The following DENND1A variants were observed in gnomAD, a reference collection of about 807,000 sequenced individuals.
DENND1A encodes DENN domain-containing protein 1A.
DENND1A carries 51 observed loss-of-function variants against 113.7 expected under a neutral mutation model. The ratio of observed to expected loss-of-function variants is 0.45; its 90% CI spans 0.36 to 0.57. The LOEUF (loss-of-function observed/expected upper bound fraction) is 0.57, where lower values mean the gene tolerates loss of function less well. Ranked by LOEUF, DENND1A falls within the 20% of genes least tolerant of loss-of-function variation. The probability of loss-of-function intolerance (pLI) is 0.00; values close to 1 mark genes in which losing one functional copy is unlikely to be tolerated. For synonymous variants in DENND1A, 565 were observed against 570.8 expected, an observed-to-expected ratio of 0.99 and a Z score of 0.14; for missense variants, 1,258 against 1,395.9, an observed-to-expected ratio of 0.90 and a Z score of 1.57.
At chr9:123,884,991 G>GCA (rs1308416245) in intron 1 of DENND1A, among the ~76,000 whole-genome samples, 3 of 127,260 alleles carry the variant, frequency 2.4e-5, no homozygotes, top group African/African-American at 3.6e-5. Flanking sequence ...ACCTGCGAGC[G>GCA]CGCGCGCACA....
chr9:123,576,574 C>A (rs1407365901), intron 12 of DENND1A, among the ~76,000 whole-genome samples: 1 of 152,260 alleles, frequency 6.6e-6, no homozygotes, highest in Admixed American at 6.5e-5. Flanking sequence ...CCTCGGCTCA[C>A]TGAAATCTCT....
At chr9:123,654,933 G>A (rs73580145) in intron 8 of DENND1A, among the ~76,000 whole-genome samples, 8,631 of 152,228 alleles carry the variant, frequency 0.057, 871 homozygotes, top group African/African-American at 0.2. Flanking sequence ...TTCCCATCAA[G>A]CCTCAGTTCA....
chr9:123,728,398 AC>A lies in DENND1A; in HGVS notation c.302+29304del, dbSNP rs1230606789. On this transcript the variant is annotated intron_variant, in intron 5 of 23. Transcript: ENST00000394215. ...AGGCTGAGGCAGGAGAACTGCTTGAACCCAGGAGGCAGAGGTTACAGTGAGC... is the reference window on the plus strand; with the variant it reads ...AGGCTGAGGCAGGAGAACTGCTTGAACCAGGAGGCAGAGGTTACAGTGAGC... Among the ~76,000 whole-genome samples the A allele has an allele frequency of 2.1e-5, 3 of 143,996 alleles. No homozygotes were observed. The Admixed American group carries it at 2.2e-4, about 11-fold the overall frequency. The allele number at this position is 143,996 out of a possible 152,430, so 94.5% of individuals were successfully genotyped here.
chr9:123,905,148 A>G (rs2133949999), intron 1 of DENND1A, among the ~76,000 whole-genome samples: 1 of 151,894 alleles, frequency 6.6e-6, no homozygotes, highest in East Asian at 1.9e-4. Flanking sequence ...TTTACAGACA[A>G]GCAAATGCTG....
chr9:123,619,089 G>A (rs181404614), intron 10 of DENND1A, among the ~76,000 whole-genome samples: 50 of 152,192 alleles, frequency 3.3e-4, no homozygotes, highest in African/African-American at 9.4e-4. Flanking sequence ...TGGGATTACA[G>A]GCACACGCCA....
At chr9:123,729,657 C>T (rs1331302949) in intron 5 of DENND1A, among the ~76,000 whole-genome samples, 1 of 152,184 alleles carries the variant, frequency 6.6e-6, no homozygotes, top group South Asian at 2.1e-4. Flanking sequence ...ATAGAAGAAT[C>T]AGTATCATGA....
Position 123,808,443 on chromosome 9 carries a change from G to A in DENND1A, c.89-15813C>T, listed in dbSNP as rs1835969493. On this transcript the variant is annotated intron_variant, in intron 2 of 23. Transcript: ENST00000394215. Reference sequence around the variant, plus strand: ...TCACCCAAGCTGCAATGCAGTGGCAGGATCACAGTTCACTGCAGCCTCAAA... The same window carrying A: ...TCACCCAAGCTGCAATGCAGTGGCAAGATCACAGTTCACTGCAGCCTCAAA... Among the ~76,000 whole-genome samples the A allele has an allele frequency of 2.0e-5, 3 of 151,046 alleles. No homozygotes were observed. In the South Asian group the frequency reaches 6.3e-4, roughly 32 times the overall value.
At chr9:123,477,366 CAG>C (rs935310254) in intron 13 of DENND1A, among the ~76,000 whole-genome samples, 1 of 151,866 alleles carries the variant, frequency 6.6e-6, no homozygotes, top group Admixed American at 6.6e-5. Context: ...ACCTGGGCAA[CAG>C]AGTGAGATCC....
chr9:123,453,559 G>A (rs190264806), intron 16 of DENND1A, among the ~76,000 whole-genome samples: 1 of 152,108 alleles, frequency 6.6e-6, no homozygotes, highest in East Asian at 1.9e-4. Flanking sequence ...CCAGGCTAAG[G>A]GGTCTACACT....
chr9:123,391,341 A>T (rs751168701), intron 21 of DENND1A, among the ~76,000 whole-genome samples: 2 of 152,228 alleles, frequency 1.3e-5, no homozygotes, highest in Non-Finnish European at 2.9e-5. Context: ...TGTCGAGTCC[A>T]GGCCACATGG....
chr9:123,910,098 T>C (rs146253968), intron 1 of DENND1A, among the ~76,000 whole-genome samples: 1 of 152,308 alleles, frequency 6.6e-6, no homozygotes, highest in African/African-American at 2.4e-5. Context: ...ATCAACTCTC[T>C]ACAAATTAGG....
intron 21 of DENND1A, chr9:123,401,252 G>C (rs1588338696): frequency 6.5e-6 from 1 of 154,746 alleles, no homozygotes; most frequent in Admixed American, 6.4e-5. Flanking sequence ...GTTTCAAGAA[G>C]TTGGTCCTGC....
chr9:123,577,703 G>T (rs542925666), intron 12 of DENND1A, among the ~76,000 whole-genome samples: 1 of 152,060 alleles, frequency 6.6e-6, no homozygotes, highest in Admixed American at 6.6e-5. Context: ...ACTTTTCATC[G>T]AAGTTTAACA....
chr9:123,533,860 G>A (rs1211743479), intron 13 of DENND1A, among the ~76,000 whole-genome samples: 2 of 152,150 alleles, frequency 1.3e-5, no homozygotes, highest in Non-Finnish European at 2.9e-5. Flanking sequence ...TCTCCTCCAC[G>A]GCCACTGTGG....
intron 7 of DENND1A, among the ~76,000 whole-genome samples, 194 bp downstream of exon 7, chr9:123,671,097 T>A (rs151004995): frequency 2.4e-4 from 36 of 152,300 alleles, no homozygotes; most frequent in African/African-American, 8.4e-4. Flanking sequence ...AGGACATGTC[T>A]GTTTCTTATA....
chr9:123,750,964 C>A (rs919404454), intron 5 of DENND1A, among the ~76,000 whole-genome samples: 1 of 152,126 alleles, frequency 6.6e-6, no homozygotes, highest in Non-Finnish European at 1.5e-5. Context: ...GGGAGCTGTC[C>A]CCACAGCCTT....
At chr9:123,499,957 A>G (rs1423378795) in intron 13 of DENND1A, among the ~76,000 whole-genome samples, 1 of 152,196 alleles carries the variant, frequency 6.6e-6, no homozygotes, top group Non-Finnish European at 1.5e-5. Context: ...TGAATCGATG[A>G]GCAAGGAAGC....
intron 1 of DENND1A, among the ~76,000 whole-genome samples, chr9:123,897,430 C>T (rs1420668061): frequency 1.3e-5 from 2 of 152,218 alleles, no homozygotes; most frequent in South Asian, 4.1e-4. Flanking sequence ...AGGAACCTTT[C>T]CCTACAACCA....
intron 2 of DENND1A, among the ~76,000 whole-genome samples, chr9:123,819,926 A>T (rs1159542293): frequency 6.6e-6 from 1 of 152,246 alleles, no homozygotes; most frequent in Admixed American, 6.5e-5. Context: ...ATTGAAACTT[A>T]AAATTTTAAG....
Sources: gnomAD v4.1 joint callset for allele counts (sites outside exome capture counted in the v4.1 genomes callset) on GRCh38, gnomAD v4.1.1 for gene constraint, MANE v1.5 for transcripts, NCBI Gene and HGNC (gene_info 2026-07-23, HGNC 2026-07-21) for gene names.